Variants in HEXB observed in about 807,000 individuals in gnomAD.
HEXB encodes the protein hexosaminidase subunit beta.
HEXB carries 51 observed loss-of-function variants against 71.2 expected under a neutral mutation model. The observed-to-expected ratio is 0.72, with a 90% CI of 0.57 to 0.90. The LOEUF is 0.90. HEXB is among the 40% of genes least tolerant of loss of function. The pLI, the probability that HEXB is intolerant of heterozygous loss-of-function variation, is 0.00. For missense variants in HEXB, 617 were observed against 677.0 expected (o/e 0.91, Z 0.98); for synonymous variants, 266 against 249.3 (o/e 1.07, Z -0.63).
At chr5:74,684,568 G>A (rs1312159667), upstream of HEXB, among the ~76,000 whole-genome samples, 3 of 152,188 alleles carry the variant, frequency 2.0e-5, no homozygotes, top group African/African-American at 7.2e-5. Context: ...CAGCTTCACC[G>A]AAGCCAGGGA....
At chr5:74,659,229 C>G (rs1280476226) in intron 1 of HEXB, among the ~76,000 whole-genome samples, 2 of 152,038 alleles carry the variant, frequency 1.3e-5, no homozygotes, top group Non-Finnish European at 2.9e-5. Context: ...AATTTTTCAC[C>G]ATAAGTCACC....
chr5:74,719,088 C>A, intron 11 of HEXB, 117 bp downstream of exon 11: 1 of 908,018 alleles, frequency 1.1e-6, no homozygotes, highest in Non-Finnish European at 1.8e-6. Context: ...CCCCAGAAGT[C>A]TTTACCTAGA....
chr5:74,654,132 A>C (rs1561202052), intron 1 of HEXB, among the ~76,000 whole-genome samples: 1 of 152,156 alleles, frequency 6.6e-6, no homozygotes, highest in Non-Finnish European at 1.5e-5. Flanking sequence ...GCCAGCTCAC[A>C]CTAGGTGCTC....
chr5:74,717,003 A>G (rs1162826214), intron 9 of HEXB, among the ~76,000 whole-genome samples: 1 of 152,190 alleles, frequency 6.6e-6, no homozygotes, highest in Non-Finnish European at 1.5e-5. Flanking sequence ...CAGCCTGGCC[A>G]ACATGGTGAA....
intron 5 of HEXB, among the ~76,000 whole-genome samples, chr5:74,702,067 CTTTTTTTTTTTTTTT>C (rs60295789): frequency 6.6e-5 from 4 of 60,554 alleles, no homozygotes; most frequent in Non-Finnish European, 1.1e-4. Context: ...CTTTCCTTGT[CTTTTTTTTTTTTTTT>C]TTTTTTTTTT....
intron 2 of HEXB, among the ~76,000 whole-genome samples, chr5:74,690,338 GCAGA>G (rs1472060599): frequency 2.0e-5 from 3 of 152,054 alleles, no homozygotes; most frequent in Non-Finnish European, 4.4e-5. Context: ...GCAAGAAAGA[GCAGA>G]CAGGGGAACT....
In HEXB at chr5:74,718,850, A is replaced by G. The variant is rs1456292951; in HGVS notation, c.1296A>G (p.Glu432=). The G allele has an allele frequency of 6.2e-7, 1 of 1,614,108 alleles. No individual in the cohort carries two copies. Among genetic ancestry groups the G allele is most frequent in the Non-Finnish European group, 8.5e-7 (1 of 1,179,984 alleles). ...EVWKDSAYPE[E]LSRVTASGFP... ...GGAAAGACAGCGCATATCCTGAGGA[A>G]CTCAGTAGAGTCACAGCATCTGGCT... The change falls in exon 11 of 14, where the codon GAA becomes GAG. Residue 432 remains glutamate, a synonymous_variant. Transcript: ENST00000261416.
intron 1 of HEXB, among the ~76,000 whole-genome samples, chr5:74,676,293 C>T (rs776496902): frequency 2.0e-5 from 3 of 152,130 alleles, no homozygotes; most frequent in Admixed American, 6.5e-5. Flanking sequence ...ACTCTGATTA[C>T]GAACAGTTAC....
At position 74,715,702 on chromosome 5, in the gene HEXB, C is replaced by T. The variant is rs1260592245; in HGVS notation, c.1082+12C>T. 6.5e-7 allele frequency: 1 copy of T among 1,539,438 alleles called. No homozygotes were observed. The highest frequency in any genetic ancestry group is 1.7e-5 in the Admixed American group (1 of 59,348). On this transcript the variant is annotated intron_variant, in intron 8 of 13. Transcript: ENST00000261416. ...GAATTTAAATGTTGGTAAGATGATT[C>T]CTTAAAACCCCTTTAAAAAAAAAAA... is the stretch of plus-strand genomic sequence containing the variant.
intron 9 of HEXB, 41 bp from the exon 10 acceptor site, chr5:74,718,250 G>A (rs1749723590): frequency 8.1e-7 from 1 of 1,234,728 alleles, no homozygotes; most frequent in African/African-American, 1.5e-5. Context: ...ATATTGTTAA[G>A]CTTATGATCT....
At chr5:74,644,992 G>A (rs902222636) in intron 1 of HEXB, among the ~76,000 whole-genome samples, 1 of 151,756 alleles carries the variant, frequency 6.6e-6, no homozygotes, top group African/African-American at 2.4e-5. Flanking sequence ...AGCTGGTCTC[G>A]AACTCCTGAC....
intron 5 of HEXB, among the ~76,000 whole-genome samples, chr5:74,702,717 G>T (rs1204370110): frequency 2.0e-5 from 3 of 152,128 alleles, no homozygotes; most frequent in African/African-American, 7.2e-5. Flanking sequence ...TTCATCCAGC[G>T]TTCACTCACT....
intron 1 of HEXB, among the ~76,000 whole-genome samples, chr5:74,688,698 T>C (rs1446286165): frequency 6.6e-6 from 1 of 152,192 alleles, no homozygotes; most frequent in Non-Finnish European, 1.5e-5. Flanking sequence ...CTTTTGGGGC[T>C]TTATATGTAA....
intron 1 of HEXB, among the ~76,000 whole-genome samples, chr5:74,644,915 G>A (rs1220892892): frequency 6.6e-6 from 1 of 151,400 alleles, no homozygotes; most frequent in Non-Finnish European, 1.5e-5. Flanking sequence ...GGGACTACAG[G>A]CGCCTGCCAC....
chr5:74,707,573 C>T (rs1580390894), intron 6 of HEXB, among the ~76,000 whole-genome samples: 1 of 152,110 alleles, frequency 6.6e-6, no homozygotes, highest in Admixed American at 6.5e-5. Context: ...ACTAGAATAA[C>T]CAATACAGAG....
intron 1 of HEXB, among the ~76,000 whole-genome samples, chr5:74,676,475 G>A (rs1458845319): frequency 6.6e-6 from 1 of 152,166 alleles, no homozygotes; most frequent in East Asian, 1.9e-4. Context: ...AATTTTTAAA[G>A]GGCAAGAAGG....
chr5:74,699,421 C>A (rs1333687609), intron 5 of HEXB, among the ~76,000 whole-genome samples: 2 of 151,778 alleles, frequency 1.3e-5, no homozygotes, highest in Admixed American at 1.3e-4. Context: ...ATTACAGGTG[C>A]CCACCACCAC....
At chr5:74,653,094 A>C (rs982966422) in intron 1 of HEXB, among the ~76,000 whole-genome samples, 3 of 152,352 alleles carry the variant, frequency 2.0e-5, no homozygotes, top group Middle Eastern at 6.8e-3. Context: ...TAGCTTGACT[A>C]CAGTAGGAGG....
intron 11 of HEXB, 127 bp downstream of exon 11, chr5:74,719,098 A>G (rs1004500007): frequency 1.2e-5 from 10 of 814,036 alleles, no homozygotes; most frequent in Non-Finnish European, 1.9e-5. Context: ...CTTTACCTAG[A>G]TATTACCTAC....
Sources: allele counts gnomAD v4.1 joint callset (sites outside exome capture counted in the v4.1 genomes callset), GRCh38; gene constraint gnomAD v4.1.1; transcripts MANE v1.5; gene names NCBI Gene and HGNC (gene_info 2026-07-23, HGNC 2026-07-21).